The following RIN2 variants were observed in gnomAD, a reference collection of about 807,000 sequenced individuals.
RIN2 encodes the protein RAB5 interacting protein 2.
A neutral mutation model predicts 78.0 loss-of-function variants in RIN2; 36 were observed. The observed-to-expected ratio is 0.46, with a 90% confidence interval of 0.35 to 0.61. RIN2 has a LOEUF of 0.61. Ranked by LOEUF, RIN2 falls within the 20% of genes least tolerant of loss-of-function variation. The pLI, the probability that RIN2 is intolerant of heterozygous loss-of-function variation, is 0.00. For synonymous variants in RIN2, 466 were observed against 466.8 expected (o/e 1.00, Z 0.02); for missense variants, 1,087 against 1,159.7 (o/e 0.94, Z 0.91).
rs1488229726 is a variant in RIN2 at position 19,970,820 on chromosome 20, CTT to C, written c.537-14_537-13del. The C allele has an allele frequency of 1.9e-6, 3 of 1,583,890 alleles. No homozygotes were observed. The East Asian group carries it at 6.7e-5, about 35-fold the overall frequency. On this transcript the variant is annotated splice_polypyrimidine_tract_variant and intron_variant, in intron 7 of 12. Transcript: ENST00000255006. The stretch of plus-strand genomic sequence containing the variant: ...AGACATGTAATTACAAACATTCTCT[CTT>C]TTTCTGAACAATCAGGGATGTTCTA...
intron 3 of RIN2, among the ~76,000 whole-genome samples, chr20:19,923,371 G>A (rs921740815): frequency 2.0e-5 from 3 of 150,946 alleles, no homozygotes; most frequent in African/African-American, 4.9e-5. Flanking sequence ...AGCCGAGATT[G>A]TGCCACTGTA....
intron 2 of RIN2, among the ~76,000 whole-genome samples, chr20:19,851,057 AAAGG>A (rs142938284): frequency 0.08 from 10,658 of 132,460 alleles, 630 homozygotes; most frequent in African/African-American, 0.16. Flanking sequence ...AAGGAGAAAG[AAAGG>A]AAGGAAGGAA....
intron 9 of RIN2, among the ~76,000 whole-genome samples, chr20:19,984,357 C>T (rs1434469317): frequency 6.6e-6 from 1 of 152,200 alleles, no homozygotes; most frequent in Non-Finnish European, 1.5e-5. Flanking sequence ...TTCTAGGCTA[C>T]AAACCTGGAC....
intron 2 of RIN2, among the ~76,000 whole-genome samples, chr20:19,856,220 CTG>C (rs1344524602): frequency 3.3e-5 from 5 of 152,054 alleles, no homozygotes; most frequent in African/African-American, 4.8e-5. Context: ...ATGGGAAAAA[CTG>C]TGCATGACGA....
intron 3 of RIN2, among the ~76,000 whole-genome samples, chr20:19,913,427 C>T (rs1320864291): frequency 5.3e-5 from 8 of 152,210 alleles, no homozygotes; most frequent in Admixed American, 5.2e-4. Flanking sequence ...AGATTACAGA[C>T]ATGAGCCACC....
At chr20:19,977,694 C>A in intron 9 of RIN2, among the ~76,000 whole-genome samples, 1 of 152,094 alleles carries the variant, frequency 6.6e-6, no homozygotes, top group South Asian at 2.1e-4. Context: ...GCTCACTGTT[C>A]TGCTGCTGCT....
chr20:19,762,127 C>T (rs1296210954), intron 1 of RIN2, among the ~76,000 whole-genome samples: 3 of 152,200 alleles, frequency 2.0e-5, no homozygotes, highest in Admixed American at 6.5e-5. Flanking sequence ...CTGGGTGTCT[C>T]AGACCTGGAA....
chr20:19,998,929 A>G (rs994106681), intron 12 of RIN2, among the ~76,000 whole-genome samples: 1 of 152,162 alleles, frequency 6.6e-6, no homozygotes, highest in African/African-American at 2.4e-5. Context: ...GGAGACCCTC[A>G]GACACCATAG....
At chr20:19,793,821 G>C (rs201473045) in intron 1 of RIN2, among the ~76,000 whole-genome samples, 1 of 152,188 alleles carries the variant, frequency 6.6e-6, no homozygotes, top group Non-Finnish European at 1.5e-5. Flanking sequence ...GAGAAGCCTA[G>C]ATTTGGGTTC....
At chr20:19,870,372 T>A (rs1256222588) in intron 2 of RIN2, among the ~76,000 whole-genome samples, 1 of 152,072 alleles carries the variant, frequency 6.6e-6, no homozygotes, top group African/African-American at 2.4e-5. Context: ...TCAGGCTAGG[T>A]GTAGTGGCTC....
At chr20:19,989,410 A>T (rs2042726335) in intron 9 of RIN2, among the ~76,000 whole-genome samples, 1 of 151,530 alleles carries the variant, frequency 6.6e-6, no homozygotes, top group Non-Finnish European at 1.5e-5. Flanking sequence ...AGTAGCTGGG[A>T]CTACAAGCGT....
chr20:19,957,673 TC>T (rs72147607), intron 5 of RIN2, among the ~76,000 whole-genome samples: 26,612 of 143,450 alleles, frequency 0.19, 2,811 homozygotes, highest in East Asian at 0.47. Context: ...CAAGAATCTG[TC>T]CCCCCCAAAA....
At chr20:19,876,914 C>CA (rs2037875456) in intron 2 of RIN2, among the ~76,000 whole-genome samples, 1 of 123,958 alleles carries the variant, frequency 8.1e-6, no homozygotes, top group African/African-American at 3.0e-5. Context: ...AAAAAAAAAA[C>CA]AAAAAACAAA....
At position 19,926,046 on chromosome 20, in the gene RIN2, C is replaced by T. The variant is rs192442444; in HGVS notation, c.58-9053C>T. ...ACAAATGAACCAGGGCTTCGTGTAT[C>T]AGTGTGGATAAACCTCATTACAATT... On this transcript the variant is annotated intron_variant, in intron 3 of 12. Transcript: ENST00000255006. Among the ~76,000 whole-genome samples, 363 of 152,296 alleles carry T rather than the reference C, an allele frequency of 2.4e-3. 4 individuals are homozygous for T. Among genetic ancestry groups the T allele is most frequent in the Non-Finnish European group, 3.8e-4 (26 of 68,034 alleles).
At chr20:19,763,153 G>T (rs916848786) in intron 1 of RIN2, among the ~76,000 whole-genome samples, 1 of 152,174 alleles carries the variant, frequency 6.6e-6, no homozygotes, top group African/African-American at 2.4e-5. Context: ...GGGAGGCTGA[G>T]GTGGGCAGAT....
chr20:19,851,567 C>CA (rs768629176), intron 2 of RIN2, among the ~76,000 whole-genome samples: 2 of 151,984 alleles, frequency 1.3e-5, no homozygotes, highest in Non-Finnish European at 2.9e-5. Flanking sequence ...TCTACAAAAA[C>CA]AAAAAATCAG....
chr20:19,761,074 T>C lies in RIN2; in HGVS notation c.-163+2747T>C, dbSNP rs536489690. Among the ~76,000 whole-genome samples the C allele has an allele frequency of 3.9e-5, 6 of 152,288 alleles. No homozygotes were observed. In the East Asian group the frequency reaches 7.7e-4, roughly 20 times the overall value. The stretch of plus-strand genomic sequence containing the variant: ...TTTTGAGAAGTTGCACAGCAAGAAG[T>C]ATACCCTCAGGACTGTAATGCCTCT... On this transcript the variant is annotated intron_variant, in intron 1 of 12. Coordinates refer to ENST00000255006, the MANE Select transcript of RIN2 (RefSeq NM_018993.4).
chr20:19,850,928 C>T (rs900579347), intron 2 of RIN2, among the ~76,000 whole-genome samples: 1 of 151,014 alleles, frequency 6.6e-6, no homozygotes, highest in Non-Finnish European at 1.5e-5. Flanking sequence ...AAGCCAAGAT[C>T]GTGCCACTGC....
chr20:19,993,826 C>T (rs1022171781), intron 11 of RIN2, among the ~76,000 whole-genome samples: 8 of 152,128 alleles, frequency 5.3e-5, no homozygotes, highest in African/African-American at 1.9e-4. Context: ...GTTATTAATA[C>T]AGTTTGGGGT....
Sources: gnomAD v4.1 joint callset for allele counts (sites outside exome capture counted in the v4.1 genomes callset) on GRCh38, gnomAD v4.1.1 for gene constraint, MANE v1.5 for transcripts, NCBI Gene and HGNC (gene_info 2026-07-23, HGNC 2026-07-21) for gene names.